The following EPHA5 variants were observed in gnomAD, a reference collection of about 807,000 sequenced individuals.
EPHA5 encodes the protein ephrin type-A receptor 5.
EPHA5 carries 60 observed loss-of-function variants against 105.0 expected under a neutral mutation model. The observed-to-expected ratio is 0.57, with a 90% CI of 0.46 to 0.71. The LOEUF (loss-of-function observed/expected upper bound fraction) is 0.71. Ranked by LOEUF, EPHA5 falls within the 30% of genes least tolerant of loss-of-function variation. The pLI is 0.00. For missense variants in EPHA5, 1,218 were observed against 1,274.7 expected (o/e 0.96, Z 0.68); for synonymous variants, 513 against 449.1 (o/e 1.14, Z -1.80).
chr4:65,592,328 A>G (rs1445430927), intron 3 of EPHA5, among the ~76,000 whole-genome samples: 1 of 152,140 alleles, frequency 6.6e-6, no homozygotes, highest in Non-Finnish European at 1.5e-5. Flanking sequence ...GCCAGAGCAT[A>G]TCCTTGGCGG....
intron 2 of EPHA5, among the ~76,000 whole-genome samples, chr4:65,620,926 T>C (rs556718141): frequency 1.3e-5 from 2 of 152,190 alleles, no homozygotes; most frequent in South Asian, 4.2e-4. Context: ...TTCTCAGAGA[T>C]AGGAGGAAAA....
chr4:65,526,056 G>A (rs879362866), intron 3 of EPHA5, among the ~76,000 whole-genome samples: 2 of 151,512 alleles, frequency 1.3e-5, no homozygotes, highest in Admixed American at 6.6e-5. Flanking sequence ...GCCCAATACC[G>A]GGCACATGTT....
chr4:65,447,603 G>C (rs1306700756), intron 5 of EPHA5, among the ~76,000 whole-genome samples: 1 of 151,644 alleles, frequency 6.6e-6, no homozygotes, highest in South Asian at 2.1e-4. Context: ...TACTATTTTT[G>C]CTTAGACAAC....
intron 3 of EPHA5, among the ~76,000 whole-genome samples, chr4:65,497,850 T>C (rs2149233156): frequency 6.6e-6 from 1 of 152,142 alleles, no homozygotes; most frequent in Non-Finnish European, 1.5e-5. Context: ...ATAAGATGTT[T>C]TCAGCAGGTA....
chr4:65,487,312 T>TG (rs1178233391), intron 5 of EPHA5, among the ~76,000 whole-genome samples: 1 of 151,534 alleles, frequency 6.6e-6, no homozygotes, highest in African/African-American at 2.4e-5. Context: ...GAACTAACTT[T>TG]GGGGGGAATT....
At chr4:65,482,155 G>A (rs1007350672) in intron 5 of EPHA5, among the ~76,000 whole-genome samples, 3 of 151,852 alleles carry the variant, frequency 2.0e-5, no homozygotes, top group Admixed American at 6.6e-5. Context: ...AATATTAGCC[G>A]GGCCTTGTGG....
At chr4:65,617,618 T>C (rs575862183) in intron 2 of EPHA5, among the ~76,000 whole-genome samples, 1 of 152,148 alleles carries the variant, frequency 6.6e-6, no homozygotes, top group Non-Finnish European at 1.5e-5. Flanking sequence ...AACTCTGAAA[T>C]GTTGCCAGCC....
rs139719951 is a variant in EPHA5 at position 65,331,944 on chromosome 4, A to G, written c.2945+29T>C. 1.9e-6 allele frequency: 3 copies of G among 1,574,076 alleles called. No homozygotes were observed. In the East Asian group the frequency reaches 6.8e-5, roughly 36 times the overall value. ...AACAATTTTTCTTGCCCCAGCAATT[A>G]TGTAAAAATTATCAGAAAAATTACT... On this transcript the variant is annotated intron_variant, in intron 16 of 16. Transcript: ENST00000613740.
intron 5 of EPHA5, among the ~76,000 whole-genome samples, chr4:65,480,139 G>T (rs1730213414): frequency 6.6e-6 from 1 of 151,996 alleles, no homozygotes; most frequent in Non-Finnish European, 1.5e-5. Flanking sequence ...AAGGAAGAGA[G>T]AAAGGATGAG....
At chr4:65,525,467 T>C (rs1316400090) in intron 3 of EPHA5, among the ~76,000 whole-genome samples, 1 of 151,790 alleles carries the variant, frequency 6.6e-6, no homozygotes, top group East Asian at 1.9e-4. Context: ...CTGTCTACAG[T>C]GGGGATCAAT....
chr4:65,472,216 C>T (rs1387357068), intron 5 of EPHA5, among the ~76,000 whole-genome samples: 12 of 152,142 alleles, frequency 7.9e-5, no homozygotes, highest in African/African-American at 2.4e-4. Flanking sequence ...AAATCATCTC[C>T]TTGAGTCCCT....
At chr4:65,584,917 G>A (rs1299674822) in intron 3 of EPHA5, among the ~76,000 whole-genome samples, 2 of 151,600 alleles carry the variant, frequency 1.3e-5, no homozygotes, top group African/African-American at 4.8e-5. Flanking sequence ...AAATGCCTTG[G>A]TGAGAAAATT....
At chr4:65,434,784 A>G (rs1725313008) in intron 5 of EPHA5, among the ~76,000 whole-genome samples, 1 of 152,158 alleles carries the variant, frequency 6.6e-6, no homozygotes, top group Non-Finnish European at 1.5e-5. Context: ...ATAATGTTGT[A>G]GGCCATCTCA....
At chr4:65,453,791 A>G (rs977420328) in intron 5 of EPHA5, among the ~76,000 whole-genome samples, 2 of 152,146 alleles carry the variant, frequency 1.3e-5, no homozygotes, top group Non-Finnish European at 2.9e-5. Flanking sequence ...CCCTAAGTCA[A>G]ATGTCAAACC....
At chr4:65,538,767 T>C (rs1044672857) in intron 3 of EPHA5, among the ~76,000 whole-genome samples, 4 of 151,618 alleles carry the variant, frequency 2.6e-5, no homozygotes, top group Non-Finnish European at 5.9e-5. Context: ...CTTGGGCAGA[T>C]TGGATATGAG....
chr4:65,465,365 G>T (rs1728513835), intron 5 of EPHA5, among the ~76,000 whole-genome samples: 1 of 151,594 alleles, frequency 6.6e-6, no homozygotes, highest in Non-Finnish European at 1.5e-5. Context: ...GGCAGAAGTT[G>T]CAGTGAGCCG....
intron 3 of EPHA5, among the ~76,000 whole-genome samples, chr4:65,560,183 TCAG>T (rs1738863770): frequency 6.6e-6 from 1 of 152,124 alleles, no homozygotes; most frequent in South Asian, 2.1e-4. Context: ...CCCAACACTT[TCAG>T]GAGATGAAAA....
At chr4:65,598,376 A>G (rs185958337) in intron 3 of EPHA5, among the ~76,000 whole-genome samples, 94 of 152,284 alleles carry the variant, frequency 6.2e-4, no homozygotes, top group African/African-American at 2.2e-3. Flanking sequence ...ATAAATCAAC[A>G]CAATGTGATA....
At chr4:65,463,493 T>C (rs1206650792) in intron 5 of EPHA5, among the ~76,000 whole-genome samples, 1 of 152,122 alleles carries the variant, frequency 6.6e-6, no homozygotes, top group African/African-American at 2.4e-5. Context: ...AATAGAAAAC[T>C]CTTTAAATCA....
Sources: gnomAD v4.1 joint callset for allele counts (sites outside exome capture counted in the v4.1 genomes callset) on GRCh38, gnomAD v4.1.1 for gene constraint, MANE v1.5 for transcripts, NCBI Gene and HGNC (gene_info 2026-07-23, HGNC 2026-07-21) for gene names.